TBC1D4: variants seen among roughly 807,000 people sequenced by gnomAD.
TBC1D4 encodes the protein TBC1 domain family member 4, also known as TBC (Tre-2, BUB2, CDC16) domain-containing protein.
TBC1D4 carries 121 observed loss-of-function variants against 142.5 expected under a neutral mutation model. The ratio of observed to expected loss-of-function variants is 0.85; its 90% CI spans 0.73 to 0.99. The LOEUF is 0.99. Among genes scored for constraint, TBC1D4 ranks in the 50% least tolerant of loss-of-function variants. TBC1D4 has a pLI of 0.00. For missense variants in TBC1D4, 1,475 were observed against 1,606.6 expected, an observed-to-expected ratio of 0.92 and a Z score of 1.40; for synonymous variants, 630 against 628.2, an observed-to-expected ratio of 1.00 and a Z score of -0.04.
At chr13:75,367,115 AG>A in intron 1 of TBC1D4, 2 of 275,632 alleles carry the variant, frequency 7.3e-6, no homozygotes, top group Non-Finnish European at 1.1e-5. Flanking sequence ...TTGCTTCAAA[AG>A]TTAAGTATTT....
In TBC1D4 at chr13:75,304,551, C is replaced by T. The variant is rs147270584; in HGVS notation, c.2752+1762G>A. Among the ~76,000 whole-genome samples the T allele has an allele frequency of 9.8e-3, 1,492 of 151,988 alleles. 8 individuals are homozygous for T. The highest frequency in any genetic ancestry group is 0.029 in the South Asian group (139 of 4,802). On this transcript the variant is annotated intron_variant, in intron 15 of 20. Coordinates refer to ENST00000377636, the MANE Select transcript of TBC1D4 (RefSeq NM_014832.5). ...AATTATGATTAAGTATAATAAATCA[C>T]GAAAAAGAATGATAAAGTACAATGA...
At chr13:75,343,617 A>G (rs965990123) in intron 5 of TBC1D4, among the ~76,000 whole-genome samples, 36 of 152,182 alleles carry the variant, frequency 2.4e-4, no homozygotes, top group Admixed American at 2.2e-3. Flanking sequence ...TCCAGGTTCA[A>G]GCAATTCTCC....
At chr13:75,288,624 C>T (rs1874934588) in intron 20 of TBC1D4, among the ~76,000 whole-genome samples, 1 of 152,160 alleles carries the variant, frequency 6.6e-6, no homozygotes, top group Non-Finnish European at 1.5e-5. Flanking sequence ...AGGTCCTTCA[C>T]AACTTCATCA....
chr13:75,290,490 G>A (rs187774009), intron 19 of TBC1D4, among the ~76,000 whole-genome samples: 183 of 152,140 alleles, frequency 1.2e-3, no homozygotes, highest in African/African-American at 4.2e-3. Flanking sequence ...TTAGAAGGGA[G>A]GTGATATCTG....
intron 1 of TBC1D4, among the ~76,000 whole-genome samples, chr13:75,407,870 GA>G (rs768556257): frequency 6.9e-6 from 1 of 144,268 alleles, no homozygotes; most frequent in East Asian, 2.0e-4. Context: ...AGAGAAAATA[GA>G]AAAAAAAAAG....
In TBC1D4 at chr13:75,336,941, G is replaced by A; in HGVS notation, c.1711C>T (p.Leu571=). 1 of 1,613,610 alleles carries A rather than the reference G, an allele frequency of 6.2e-7. No individual in the cohort carries two copies. The highest frequency in any genetic ancestry group is 8.5e-7 in the Non-Finnish European group (1 of 1,179,786). Residue 571 remains leucine (L), a synonymous_variant, in exon 8 of 21, where the codon CTG becomes TTG. Transcript: ENST00000377636. Reference sequence around the variant, plus strand: ...CTTACCCTTGAGAAGATATTTTCCAGGGAGCTAGTTAAGGATCTCTTAGCT... The same window carrying A: ...CTTACCCTTGAGAAGATATTTTCCAAGGAGCTAGTTAAGGATCTCTTAGCT... The part of the protein sequence containing the change: ...NKAKRSLTSS[L]ENIFSRGANR...
At chr13:75,411,687 C>T (rs980059991) in intron 1 of TBC1D4, among the ~76,000 whole-genome samples, 1 of 151,522 alleles carries the variant, frequency 6.6e-6, no homozygotes, top group African/African-American at 2.4e-5. Flanking sequence ...CCATATCTGG[C>T]TAATTTTTTA....
intron 1 of TBC1D4, among the ~76,000 whole-genome samples, chr13:75,389,059 C>T (rs545807400): frequency 1.8e-4 from 28 of 152,364 alleles, no homozygotes; most frequent in African/African-American, 4.6e-4. Context: ...AGAGCAGACA[C>T]ATGCTTGGCG....
At chr13:75,461,454 T>C (rs9573549) in intron 1 of TBC1D4, among the ~76,000 whole-genome samples, 141,655 of 152,246 alleles carry the variant, frequency 0.93, 66,732 homozygotes, top group Non-Finnish European at 1. Context: ...TTTAATACTA[T>C]AGCCTCAAAA....
intron 12 of TBC1D4, 58 bp downstream of exon 12, chr13:75,319,956 T>G: frequency 6.3e-7 from 1 of 1,579,988 alleles, no homozygotes; most frequent in South Asian, 1.1e-5. Context: ...AAGGATGATG[T>G]TCAGTTGGAA....
rs537827843 is a variant in TBC1D4 at position 75,443,559 on chromosome 13, T to C, written c.498+37711A>G. 2.0e-5 allele frequency among the ~76,000 whole-genome samples: 3 copies of C among 152,282 alleles called. No homozygotes were observed. The South Asian group carries it at 6.2e-4, about 32-fold the overall frequency. ...CCAGGCACCCTTCTAACGCAGAACA[T>C]ACAGCTGACACAGCAGTCAGAAGAG... On this transcript the variant is annotated intron_variant, in intron 1 of 20. Coordinates refer to ENST00000377636, the MANE Select transcript of TBC1D4 (RefSeq NM_014832.5).
At chr13:75,355,846 G>A (rs1293245974) in intron 4 of TBC1D4, among the ~76,000 whole-genome samples, 1 of 152,172 alleles carries the variant, frequency 6.6e-6, no homozygotes, top group Non-Finnish European at 1.5e-5. Context: ...CTTCTCATAT[G>A]AGCAATGAAA....
At chr13:75,323,882 C>T (rs866458180) in intron 11 of TBC1D4, among the ~76,000 whole-genome samples, 5 of 151,216 alleles carry the variant, frequency 3.3e-5, no homozygotes, top group Admixed American at 2.6e-4. Flanking sequence ...TCTAGAAAGG[C>T]CAAGGAAAAA....
At chr13:75,446,915 G>A (rs1038008826) in intron 1 of TBC1D4, among the ~76,000 whole-genome samples, 6 of 152,098 alleles carry the variant, frequency 3.9e-5, no homozygotes, top group African/African-American at 1.2e-4. Flanking sequence ...AGGAATTGTG[G>A]TGGCCAAGGA....
rs561505212 is a variant in TBC1D4, at chr13:75,384,948, T to C, written c.499-22341A>G. 3.3e-5 allele frequency among the ~76,000 whole-genome samples: 5 copies of C among 152,316 alleles called. No homozygotes were observed. In the South Asian group the frequency reaches 6.2e-4, roughly 19 times the overall value. The stretch of plus-strand genomic sequence containing the variant: ...GCTTCTTTCAGCCCAGTGAATAAAA[T>C]GTGAAGAACATAAAAACATGACTAA... On this transcript the variant is annotated intron_variant, in intron 1 of 20. Transcript: ENST00000377636.
At chr13:75,298,126 G>A (rs1593875383) in intron 17 of TBC1D4, among the ~76,000 whole-genome samples, 2 of 152,110 alleles carry the variant, frequency 1.3e-5, no homozygotes, top group South Asian at 4.1e-4. Flanking sequence ...TATTTTAAAA[G>A]CATCTTTAAA....
chr13:75,476,680 C>T (rs553550385), intron 1 of TBC1D4, among the ~76,000 whole-genome samples: 4 of 152,310 alleles, frequency 2.6e-5, no homozygotes, highest in Admixed American at 2.0e-4. Context: ...TCCACTTGAA[C>T]TTTCAAGTCT....
intron 1 of TBC1D4, among the ~76,000 whole-genome samples, chr13:75,448,183 G>C (rs1887372873): frequency 6.6e-6 from 1 of 152,118 alleles, no homozygotes; most frequent in African/African-American, 2.4e-5. Flanking sequence ...CTTCATTGGA[G>C]TAAATGCTTA....
chr13:75,385,827 C>A (rs1884135471), intron 1 of TBC1D4, among the ~76,000 whole-genome samples: 1 of 152,116 alleles, frequency 6.6e-6, no homozygotes, highest in African/African-American at 2.4e-5. Context: ...ATTGAACCCA[C>A]TCATAAAATC....
Sources: gnomAD v4.1 joint callset for allele counts (sites outside exome capture counted in the v4.1 genomes callset) on GRCh38, gnomAD v4.1.1 for gene constraint, MANE v1.5 for transcripts, NCBI Gene and HGNC (gene_info 2026-07-23, HGNC 2026-07-21) for gene names.